The following ANO2 variants were observed in gnomAD, a reference collection of about 807,000 sequenced individuals.
The protein encoded by ANO2 is anoctamin-2.
In ANO2, 101 loss-of-function variants were observed where a neutral mutation model predicts 124.2. The ratio of observed to expected loss-of-function variants is 0.81; its 90% CI spans 0.69 to 0.96. The LOEUF is 0.96. ANO2 is among the 40% of genes least tolerant of loss of function. The pLI is 0.00. For synonymous variants in ANO2, 486 were observed against 482.5 expected, an observed-to-expected ratio of 1.01 and a Z score of -0.09; for missense variants, 1,293 against 1,274.5, an observed-to-expected ratio of 1.01 and a Z score of -0.22.
intron 10 of ANO2, among the ~76,000 whole-genome samples, chr12:5,786,101 C>T (rs770505329): frequency 6.6e-6 from 1 of 152,132 alleles, no homozygotes; most frequent in Non-Finnish European, 1.5e-5. Context: ...TGGGGTGGTG[C>T]TTCCAATGGA....
chr12:5,824,672 T>C (rs1428914239), intron 7 of ANO2, among the ~76,000 whole-genome samples: 1 of 152,254 alleles, frequency 6.6e-6, no homozygotes, highest in East Asian at 1.9e-4. Flanking sequence ...AGTTCCAATG[T>C]TGCTTCCACA....
intron 1 of ANO2, among the ~76,000 whole-genome samples, chr12:5,926,169 C>T (rs1460934297): frequency 6.6e-6 from 1 of 152,226 alleles, no homozygotes; most frequent in Non-Finnish European, 1.5e-5. Context: ...GCTGTTCTTC[C>T]TCATGCCCCA....
chr12:5,788,160 G>A (rs956376403), intron 10 of ANO2, among the ~76,000 whole-genome samples: 6 of 152,156 alleles, frequency 3.9e-5, no homozygotes, highest in Admixed American at 1.3e-4. Flanking sequence ...TTGAATCTAA[G>A]CAAAATGTGC....
chr12:5,628,690 G>GCA (rs1349539767), intron 16 of ANO2, among the ~76,000 whole-genome samples: 4,797 of 151,158 alleles, frequency 0.032, 255 homozygotes, highest in African/African-American at 0.11. Context: ...GTGTGTGTGC[G>GCA]CGCGCGCACG....
intron 14 of ANO2, among the ~76,000 whole-genome samples, chr12:5,683,215 T>C (rs775776739): frequency 6.6e-6 from 1 of 152,096 alleles, no homozygotes; most frequent in East Asian, 1.9e-4. Context: ...AACTCCACAA[T>C]TAAAGGTAGA....
At chr12:5,894,487 A>C (rs913666196) in intron 3 of ANO2, among the ~76,000 whole-genome samples, 5 of 152,152 alleles carry the variant, frequency 3.3e-5, no homozygotes, top group African/African-American at 1.2e-4. Context: ...GAAGCTCTTT[A>C]GTTTAATTAG....
Position 5,832,535 on chromosome 12 carries a change from C to G in ANO2, c.702G>C (p.Ser234=), listed in dbSNP as rs746073538. 6.2e-7 allele frequency: 1 copy of G among 1,613,790 alleles called. No individual in the cohort carries two copies. Among genetic ancestry groups the G allele is most frequent in the Non-Finnish European group, 8.5e-7 (1 of 1,179,884 alleles). The change falls in exon 5 of 25, where the codon TCG becomes TCC. Residue 234 remains serine (S), a synonymous_variant. Coordinates refer to ENST00000682330, the MANE Select transcript of ANO2 (RefSeq NM_001364791.2). ...GTTCTGGAACTCGGGGCTGCAGGTG[C>G]GAGCTCAGCTTCTGCAGAGCCGCGC... The part of the protein sequence containing the change: ...KFSAALQKLS[S]HLQPRVPEHS...
At chr12:5,572,385 T>G in intron 23 of ANO2, among the ~76,000 whole-genome samples, 1 of 152,170 alleles carries the variant, frequency 6.6e-6, no homozygotes, top group East Asian at 1.9e-4. Flanking sequence ...GGAGTTTCAA[T>G]GTGATTGTCT....
chr12:5,643,122 A>G (rs1205491167), intron 15 of ANO2, among the ~76,000 whole-genome samples: 1 of 152,062 alleles, frequency 6.6e-6, no homozygotes, highest in Non-Finnish European at 1.5e-5. Context: ...AGCCCAGACC[A>G]GCACTGCCAG....
rs547223533 is a variant in ANO2 at position 5,881,973 on chromosome 12, A to G, written c.535-27832T>C. Among the ~76,000 whole-genome samples the G allele has an allele frequency of 2.0e-5, 3 of 152,326 alleles. No homozygotes were observed. The South Asian group carries it at 6.2e-4, about 32-fold the overall frequency. ...GCTGAAGAAGAGAATTAACTCTTTC[A>G]GGCAAAGGTTAGAGATGAGTGGGTG... is the stretch of plus-strand genomic sequence containing the variant. On this transcript the variant is annotated intron_variant, in intron 3 of 24. Coordinates refer to ENST00000682330, the MANE Select transcript of ANO2 (RefSeq NM_001364791.2).
intron 3 of ANO2, among the ~76,000 whole-genome samples, chr12:5,891,733 A>C (rs987930255): frequency 1.3e-5 from 2 of 152,252 alleles, no homozygotes; most frequent in Admixed American, 1.3e-4. Context: ...CTCAAATAGC[A>C]TAAGGCTGTG....
intron 3 of ANO2, among the ~76,000 whole-genome samples, chr12:5,880,728 A>C (rs1938428119): frequency 6.6e-6 from 1 of 152,204 alleles, no homozygotes; most frequent in South Asian, 2.1e-4. Flanking sequence ...GTGTTCCTAG[A>C]ATTTAGTAGA....
At chr12:5,588,760 A>G (rs1443306287) in intron 20 of ANO2, among the ~76,000 whole-genome samples, 1 of 152,230 alleles carries the variant, frequency 6.6e-6, no homozygotes, top group Non-Finnish European at 1.5e-5. Flanking sequence ...GCAGTAGTGC[A>G]TTACTTGTGA....
At chr12:5,597,104 T>C (rs566208899) in intron 20 of ANO2, among the ~76,000 whole-genome samples, 34 of 152,242 alleles carry the variant, frequency 2.2e-4, no homozygotes, top group Non-Finnish European at 4.4e-5. Flanking sequence ...ATTTCTCTTT[T>C]TTTAACTTTT....
At chr12:5,586,738 A>T (rs2136860382) in intron 20 of ANO2, among the ~76,000 whole-genome samples, 1 of 152,368 alleles carries the variant, frequency 6.6e-6, no homozygotes, top group Non-Finnish European at 1.5e-5. Context: ...ACTCAGTACC[A>T]GAGCCCGTCA....
intron 14 of ANO2, among the ~76,000 whole-genome samples, chr12:5,717,279 G>A (rs575989012): frequency 2.6e-5 from 4 of 152,300 alleles, no homozygotes; most frequent in Admixed American, 6.5e-5. Context: ...AAGCTGGTGC[G>A]CATTTGTCAG....
At chr12:5,828,369 G>A (rs1160949792) in intron 6 of ANO2, among the ~76,000 whole-genome samples, 2 of 152,170 alleles carry the variant, frequency 1.3e-5, no homozygotes, top group African/African-American at 4.8e-5. Flanking sequence ...ACGCCAAGAG[G>A]GTCAGCTTGC....
chr12:5,758,662 G>C (rs1376550433), intron 10 of ANO2, among the ~76,000 whole-genome samples: 1 of 152,196 alleles, frequency 6.6e-6, no homozygotes, highest in Non-Finnish European at 1.5e-5. Context: ...GGAATCTGAA[G>C]TTTGTAGTGC....
chr12:5,917,876 T>A (rs1162848037), intron 3 of ANO2, among the ~76,000 whole-genome samples: 1 of 152,138 alleles, frequency 6.6e-6, no homozygotes, highest in Admixed American at 6.5e-5. Context: ...GACCTGTTAT[T>A]TCCTTTTTAT....
Sources: allele counts gnomAD v4.1 joint callset (sites outside exome capture counted in the v4.1 genomes callset), GRCh38; gene constraint gnomAD v4.1.1; transcripts MANE v1.5; gene names NCBI Gene and HGNC (gene_info 2026-07-23, HGNC 2026-07-21).